The following MED26 variants were observed in gnomAD, a reference collection of about 807,000 sequenced individuals.
MED26 encodes the protein mediator of RNA polymerase II transcription subunit 26.
MED26 carries 7 observed loss-of-function variants against 43.7 expected under a neutral mutation model. The ratio of observed to expected loss-of-function variants is 0.16; its 90% CI spans 0.09 to 0.30. The LOEUF (loss-of-function observed/expected upper bound fraction) is 0.30, where lower values mean the gene tolerates loss of function less well. Ranked by LOEUF, MED26 falls within the 10% of genes least tolerant of loss-of-function variation. The pLI, the probability that MED26 is intolerant of heterozygous loss-of-function variation, is 1.00. For missense variants in MED26, 784 were observed against 840.6 expected, an observed-to-expected ratio of 0.93 and a Z score of 0.83; for synonymous variants, 375 against 371.1, an observed-to-expected ratio of 1.01 and a Z score of -0.12.
At position 16,614,811 on chromosome 19, in the gene MED26, C is replaced by T. The variant is rs373508509; in HGVS notation, c.72+13061G>A. 1.2e-4 allele frequency among the ~76,000 whole-genome samples: 19 copies of T among 152,308 alleles called. No individual in the cohort carries two copies. The East Asian group carries it at 2.7e-3, about 22-fold the overall frequency. On this transcript the variant is annotated intron_variant, in intron 1 of 2. Coordinates refer to ENST00000263390, the MANE Select transcript of MED26 (RefSeq NM_004831.5). ...GTTGGAGAGAGCCAAGTAACCATCACAGGAAGGGGGCTTCCTCCAGGGGTC... is the reference window on the plus strand; with the variant it reads ...GTTGGAGAGAGCCAAGTAACCATCATAGGAAGGGGGCTTCCTCCAGGGGTC...
chr19:16,620,953 T>C (rs1272568207), intron 1 of MED26, among the ~76,000 whole-genome samples: 2 of 152,124 alleles, frequency 1.3e-5, no homozygotes. Flanking sequence ...ATGATAAAAA[T>C]GAACCCTCAT....
At position 16,576,896 on chromosome 19, in the gene MED26, C is replaced by T; in HGVS notation, c.934G>A (p.Val312Met). 1 of 1,606,034 alleles carries T rather than the reference C, an allele frequency of 6.2e-7. No individual in the cohort carries two copies. The highest frequency in any genetic ancestry group is 8.5e-7 in the Non-Finnish European group (1 of 1,175,814). ...PRPQALDATQ[V>M]PSPLPLAQPS... ...TGTGCCAGTGGAAGCGGTGACGGCA[C>T]CTGTGTGGCATCGAGTGCCTGGGGC... is the stretch of plus-strand genomic sequence containing the variant. The change falls in exon 3 of 3, where the codon GTG becomes ATG. Residue 312 changes from valine to methionine, a missense_variant. Val to Met is a conservative substitution (Grantham distance 21). Around this residue, in one of 3 missense-constraint regions of MED26, gnomAD observed 719 missense variants for 730.9 expected, o/e 0.98. Transcript: ENST00000263390. The surrounding 1 kb of genome is among the most constrained non-coding windows in gnomAD (Gnocchi z 6.8).
At chr19:16,614,148 A>G (rs1353298845) in intron 1 of MED26, among the ~76,000 whole-genome samples, 3 of 152,168 alleles carry the variant, frequency 2.0e-5, no homozygotes, top group Non-Finnish European at 4.4e-5. Context: ...GCTCGGAGAC[A>G]TTAAGTGATC....
intron 1 of MED26, among the ~76,000 whole-genome samples, chr19:16,596,287 C>G (rs1449374534): frequency 6.6e-6 from 1 of 152,232 alleles, no homozygotes; most frequent in Non-Finnish European, 1.5e-5. Context: ...CAGAAAGCAA[C>G]CCCATGCTGC....
chr19:16,598,933 T>A (rs1305249480), intron 1 of MED26, among the ~76,000 whole-genome samples: 3 of 152,114 alleles, frequency 2.0e-5, no homozygotes, highest in Non-Finnish European at 4.4e-5. Flanking sequence ...AAAAACACAG[T>A]ACACATACTG....
chr19:16,620,253 C>G (rs942435373), intron 1 of MED26, among the ~76,000 whole-genome samples: 16 of 152,218 alleles, frequency 1.1e-4, no homozygotes, highest in Admixed American at 1.3e-4. Flanking sequence ...ACTGGCCTCT[C>G]ACATGACAAG....
intron 1 of MED26, among the ~76,000 whole-genome samples, chr19:16,604,354 A>G (rs2086162911): frequency 6.6e-6 from 1 of 152,264 alleles, no homozygotes; most frequent in African/African-American, 2.4e-5. Context: ...GAAGAACTGC[A>G]TCAGGGACAG....
Position 16,577,391 on chromosome 19 carries a change from G to T in MED26, c.439C>A (p.Arg147Ser), listed in dbSNP as rs571147808. ...TCACGCTGGTCACCCCGGCGCTTGC[G>T]GCTGCCCAGCCTGTCCAGCCGCTGC... Reference protein sequence around the residue: ...PGQRLDRLGSRKRRGDQRDLG... With the variant: ...PGQRLDRLGSSKRRGDQRDLG... The change falls in exon 3 of 3, where the codon CGC becomes AGC. Residue 147 changes from arginine (R) to serine (S), a missense_variant. Physicochemically the swap from Arg to Ser is moderately radical, Grantham distance 110 (BLOSUM62 -1). Transcript: ENST00000263390. This position sits in a 1 kb window ranked among gnomAD's most constrained non-coding sequence, Gnocchi z 8.1. The T allele has an allele frequency of 1.0e-5, 16 of 1,607,038 alleles. 1 individual carries two copies. The South Asian group carries it at 1.8e-4, about 18-fold the overall frequency.
intron 1 of MED26, among the ~76,000 whole-genome samples, chr19:16,606,147 G>C (rs1299033818): frequency 1.3e-5 from 2 of 152,210 alleles, no homozygotes; most frequent in Non-Finnish European, 2.9e-5. Flanking sequence ...AGCAGGTGAG[G>C]TCAGGAGACA....
In MED26 at chr19:16,576,100, G is replaced by A. The variant is rs375571354; in HGVS notation, c.1730C>T (p.Thr577Met). 6.8e-6 allele frequency: 11 copies of A among 1,613,846 alleles called. No individual in the cohort carries two copies. The highest frequency in any genetic ancestry group is 6.7e-5 in the African/African-American group (5 of 74,918). Residue 577 changes from threonine (T) to methionine (M), a missense_variant, in exon 3 of 3, where the codon ACG becomes ATG. Physicochemically the swap from Thr to Met is moderately conservative, Grantham distance 81 (BLOSUM62 -1). Coordinates refer to ENST00000263390, the MANE Select transcript of MED26 (RefSeq NM_004831.5). The surrounding 1 kb of genome is among the most constrained non-coding windows in gnomAD (Gnocchi z 6.8). Reference protein sequence around the residue: ...QDTQGNWYDWTQCISLDPHGD... With the variant: ...QDTQGNWYDWMQCISLDPHGD... The stretch of plus-strand genomic sequence containing the variant: ...GTGCGGATCGAGCGATATGCACTGC[G>A]TCCAGTCATACCAGTTACCCTGTGT...
At position 16,586,291 on chromosome 19, in the gene MED26, C is replaced by CA. The variant is rs2086070407; in HGVS notation, c.73-7883dup. Among the ~76,000 whole-genome samples, 1 of 152,196 alleles carries CA rather than the reference C, an allele frequency of 6.6e-6. No homozygotes were observed. The highest frequency in any genetic ancestry group is 6.5e-5 in the Admixed American group (1 of 15,284). Reference sequence around the variant, plus strand: ...CTCTACAGATAAGGTAACTGAGGGCCAGGAAGGTAATGGAGGTCCCGGGTA... The same window carrying CA: ...CTCTACAGATAAGGTAACTGAGGGCCAAGGAAGGTAATGGAGGTCCCGGGTA... On this transcript the variant is annotated intron_variant, in intron 1 of 2. Transcript: ENST00000263390. This position sits in a 1 kb window ranked among gnomAD's most constrained non-coding sequence, Gnocchi z 5.1.
At chr19:16,621,057 G>C (rs1046458861) in intron 1 of MED26, among the ~76,000 whole-genome samples, 1 of 152,180 alleles carries the variant, frequency 6.6e-6, no homozygotes, top group African/African-American at 2.4e-5. Flanking sequence ...TGTAACATGT[G>C]AAAACACTTC....
At chr19:16,582,457 C>T (rs1568280637) in intron 1 of MED26, among the ~76,000 whole-genome samples, 1 of 152,240 alleles carries the variant, frequency 6.6e-6, no homozygotes, top group Non-Finnish European at 1.5e-5. Context: ...CACTTAGCAC[C>T]CAATTGGTGC....
rs542791600 is a variant in MED26 at position 16,598,706 on chromosome 19, T to A, written c.73-20297A>T. Among the ~76,000 whole-genome samples, 137 of 152,104 alleles carry A rather than the reference T, an allele frequency of 9.0e-4. 1 individual carries two copies. Among genetic ancestry groups the A allele is most frequent in the Non-Finnish European group, 1.7e-3 (118 of 67,970 alleles). Reference sequence around the variant, plus strand: ...AGTTCCAGTCCTGCCACCCCAGAGGTCCACAGACCCTGGGCCACTGAAGAC... The same window carrying A: ...AGTTCCAGTCCTGCCACCCCAGAGGACCACAGACCCTGGGCCACTGAAGAC... On this transcript the variant is annotated intron_variant, in intron 1 of 2. Transcript: ENST00000263390.
In MED26 at chr19:16,627,878, C is replaced by T; in HGVS notation, c.66G>A (p.Gln22=). 1 of 1,495,910 alleles carries T rather than the reference C, an allele frequency of 6.7e-7. No individual in the cohort carries two copies. The highest frequency in any genetic ancestry group is 8.9e-7 in the Non-Finnish European group (1 of 1,119,152). The allele number at this position is 1,495,910 out of a possible 1,614,324, so 92.7% of individuals were successfully genotyped here. A position where few individuals can be genotyped will look rare whatever the true frequency, so the allele number is the denominator to read the frequency against. ...RDRLLQAIDP[Q]SNIRNMVAVL... ...TCGCGCGGCGGGTACTTACGTTGCT[C>T]TGGGGGTCGATGGCCTGCAGCAGCC... The change falls in exon 1 of 3, where the codon CAG becomes CAA. Residue 22 remains glutamine, a synonymous_variant. Coordinates refer to ENST00000263390, the MANE Select transcript of MED26 (RefSeq NM_004831.5).
chr19:16,613,948 C>G (rs1376978201), intron 1 of MED26, among the ~76,000 whole-genome samples: 1 of 152,174 alleles, frequency 6.6e-6, no homozygotes, highest in African/African-American at 2.4e-5. Context: ...CCCCTTCCAA[C>G]CGCATGGCCT....
intron 1 of MED26, among the ~76,000 whole-genome samples, chr19:16,618,706 G>GTTAACAGGA (rs2086236926): frequency 6.6e-6 from 1 of 152,174 alleles, no homozygotes; most frequent in Admixed American, 6.5e-5. Flanking sequence ...TTCTTCTCCC[G>GTTAACAGGA]TTAACAGGAC....
intron 1 of MED26, among the ~76,000 whole-genome samples, chr19:16,608,672 T>C (rs2086185119): frequency 6.6e-6 from 1 of 152,244 alleles, no homozygotes; most frequent in South Asian, 2.1e-4. Context: ...TGACATAAAT[T>C]AACCACATCA....
intron 1 of MED26, among the ~76,000 whole-genome samples, chr19:16,626,069 T>C (rs1046429081): frequency 1.3e-5 from 2 of 152,152 alleles, no homozygotes; most frequent in African/African-American, 4.8e-5. Flanking sequence ...TTCTTCTGCC[T>C]CAAGGAACCC....
Sources: gnomAD v4.1 joint callset for allele counts (sites outside exome capture counted in the v4.1 genomes callset) on GRCh38, gnomAD v4.1.1 for gene constraint, gnomAD v4.1.1 regional missense constraint, Gnocchi (gnomAD v3.1) non-coding constraint, MANE v1.5 for transcripts, NCBI Gene and HGNC (gene_info 2026-07-23, HGNC 2026-07-21) for gene names.